The following SGCD variants were observed in gnomAD, a reference collection of about 807,000 sequenced individuals.
SGCD encodes sarcoglycan delta, also known as delta-sarcoglycan.
A neutral mutation model predicts 36.6 loss-of-function variants in SGCD; 18 were observed. That is an observed-to-expected ratio of 0.49 (90% confidence interval 0.34 to 0.73). The LOEUF (loss-of-function observed/expected upper bound fraction) is 0.73, where lower values mean the gene tolerates loss of function less well. Ranked by LOEUF, SGCD falls within the 30% of genes least tolerant of loss-of-function variation. The pLI is 0.01. For missense variants in SGCD, 387 were observed against 346.7 expected (o/e 1.12, Z -0.92); for synonymous variants, 133 against 130.6 (o/e 1.02, Z -0.12).
chr5:155,751,113 A>G, the SGCD span, among the ~76,000 whole-genome samples: 10 of 152,208 alleles, frequency 6.6e-5, no homozygotes, highest in African/African-American at 2.4e-4. Context: ...TGTAAATACA[A>G]CTACCAAATA....
intron 3 of SGCD, among the ~76,000 whole-genome samples, chr5:156,294,212 A>G (rs1051640946): frequency 2.0e-5 from 3 of 149,350 alleles, no homozygotes; most frequent in African/African-American, 7.7e-5. Context: ...TGAATTTGTT[A>G]GTTATAACAG....
At chr5:156,350,873 C>A (rs1769216391) in intron 3 of SGCD, among the ~76,000 whole-genome samples, 1 of 152,126 alleles carries the variant, frequency 6.6e-6, no homozygotes, top group Admixed American at 6.6e-5. Flanking sequence ...ACTGAAAACC[C>A]AAGGCTCAGA....
chr5:155,968,545 A>G (rs1029944780), intron 1 of SGCD, among the ~76,000 whole-genome samples: 4 of 151,964 alleles, frequency 2.6e-5, no homozygotes, highest in African/African-American at 9.7e-5. Flanking sequence ...TTATTCTTTT[A>G]TTAATTATTG....
At chr5:156,731,036 G>A (rs902559133) in intron 7 of SGCD, among the ~76,000 whole-genome samples, 1 of 151,978 alleles carries the variant, frequency 6.6e-6, no homozygotes, top group Non-Finnish European at 1.5e-5. Flanking sequence ...TTGGCCACAT[G>A]TATGTCTTCT....
chr5:156,154,727 A>G (rs1328033121), intron 3 of SGCD, among the ~76,000 whole-genome samples: 2 of 151,722 alleles, frequency 1.3e-5, no homozygotes, highest in East Asian at 3.9e-4. Flanking sequence ...GTCTATAACT[A>G]AGGCTGGCTG....
intron 1 of SGCD, among the ~76,000 whole-genome samples, chr5:156,068,717 G>T (rs1187883515): frequency 1.3e-5 from 2 of 151,648 alleles, no homozygotes; most frequent in East Asian, 1.9e-4. Context: ...CACAATGGTT[G>T]AACTAGTTTA....
At chr5:156,191,356 T>G (rs528871682) in intron 3 of SGCD, among the ~76,000 whole-genome samples, 1 of 152,280 alleles carries the variant, frequency 6.6e-6, no homozygotes, top group African/African-American at 2.4e-5. Context: ...AAGGATGGAT[T>G]TATTGATATC....
rs183294683 is a variant in SGCD at position 156,022,990 on chromosome 5, G to A, written c.-281-94888G>A. On this transcript the variant is annotated intron_variant, in intron 1 of 9. Transcript: ENST00000517913. ...AAAAAGCTCATCATTTTTCTCTTAAGTGTAGCACAGTGGGGAGAGCACAAA... is the reference window on the plus strand; with the variant it reads ...AAAAAGCTCATCATTTTTCTCTTAAATGTAGCACAGTGGGGAGAGCACAAA... 2.3e-3 allele frequency among the ~76,000 whole-genome samples: 352 copies of A among 152,294 alleles called. 1 individual carries two copies. The highest frequency in any genetic ancestry group is 8.3e-3 in the African/African-American group (346 of 41,554).
At chr5:156,343,839 C>T (rs548014857) in intron 2 of SGCD, among the ~76,000 whole-genome samples, 3 of 152,218 alleles carry the variant, frequency 2.0e-5, no homozygotes, top group Non-Finnish European at 2.9e-5. Context: ...TGCCTGATAA[C>T]GGTTAGAATT....
intron 6 of SGCD, among the ~76,000 whole-genome samples, chr5:156,630,516 T>A (rs566313945): frequency 1.3e-4 from 20 of 152,344 alleles, no homozygotes; most frequent in Admixed American, 1.2e-3. Flanking sequence ...ATCTCATTGA[T>A]GTTTTACAAT....
chr5:156,118,975 C>T (rs1230298064), intron 2 of SGCD, among the ~76,000 whole-genome samples: 2 of 152,128 alleles, frequency 1.3e-5, no homozygotes. Flanking sequence ...ATAGCCCCTA[C>T]TTTGAGTATT....
chr5:156,343,521 T>A (rs1346735690), intron 2 of SGCD, among the ~76,000 whole-genome samples: 1 of 152,240 alleles, frequency 6.6e-6, no homozygotes. Flanking sequence ...TTTCTAGCTT[T>A]ATTTATATTT....
the SGCD span, among the ~76,000 whole-genome samples, chr5:155,786,860 G>T: frequency 6.6e-6 from 1 of 152,110 alleles, no homozygotes; most frequent in Non-Finnish European, 1.5e-5. Context: ...CCCAGAAATT[G>T]CCTTGTTCAA....
chr5:156,163,912 A>T (rs1309359628), intron 3 of SGCD, among the ~76,000 whole-genome samples: 1 of 148,962 alleles, frequency 6.7e-6, no homozygotes, highest in Admixed American at 6.7e-5. Context: ...AGTCCCAGCT[A>T]CTCGGGAGGC....
At chr5:156,585,865 A>T (rs988080821) in intron 4 of SGCD, among the ~76,000 whole-genome samples, 5 of 152,222 alleles carry the variant, frequency 3.3e-5, no homozygotes. Flanking sequence ...ATTATATAAT[A>T]AAAAAACTTT....
chr5:156,220,640 C>A (rs1470964164), intron 3 of SGCD, among the ~76,000 whole-genome samples: 1 of 152,042 alleles, frequency 6.6e-6, no homozygotes, highest in Non-Finnish European at 1.5e-5. Context: ...CCTATTTGAG[C>A]TACTGGACAA....
intron 3 of SGCD, among the ~76,000 whole-genome samples, chr5:156,380,484 TCACTCATTCAAAG>T (rs1770921113): frequency 6.6e-6 from 1 of 152,206 alleles, no homozygotes; most frequent in South Asian, 2.1e-4. Flanking sequence ...ATTCTCTCAT[TCACTCATTCAAAG>T]AAAATCTTAG....
chr5:156,185,497 A>G (rs1440437721), intron 3 of SGCD, among the ~76,000 whole-genome samples: 2 of 152,034 alleles, frequency 1.3e-5, no homozygotes, highest in African/African-American at 4.8e-5. Flanking sequence ...TACAGATGTG[A>G]GCCACCGCGC....
rs1757537365 is a variant in SGCD, at chr5:156,763,743, G to A, written c.*4353G>A. 6.6e-6 allele frequency: 1 copy of A among 151,788 alleles called. No individual in the cohort carries two copies. The allele number at this position is 151,788 out of a possible 1,614,324, so 9.4% of individuals were successfully genotyped here. ...TTAAAAAAAAAAAAGTATCAGCTAG[G>A]GATGACTCTGGAAGTATGAGTATCA... is the stretch of plus-strand genomic sequence containing the variant. On this transcript the variant is annotated 3_prime_UTR_variant, in exon 9 of 9. Transcript: ENST00000337851.
Sources: allele counts gnomAD v4.1 joint callset (sites outside exome capture counted in the v4.1 genomes callset), GRCh38; gene constraint gnomAD v4.1.1; transcripts MANE v1.5; gene names NCBI Gene and HGNC (gene_info 2026-07-23, HGNC 2026-07-21).